PZP: variants seen among roughly 807,000 people sequenced by gnomAD.
PZP encodes PZP alpha-2-macroglobulin like, also known as pregnancy zone protein.
PZP carries 150 observed loss-of-function variants against 179.8 expected under a neutral mutation model. The observed-to-expected ratio is 0.83, with a 90% confidence interval of 0.73 to 0.96. PZP has a LOEUF of 0.96. Among genes scored for constraint, PZP ranks in the 40% least tolerant of loss-of-function variants. The pLI is 0.00. For synonymous variants in PZP, 624 were observed against 652.3 expected, an observed-to-expected ratio of 0.96 and a Z score of 0.66; for missense variants, 1,689 against 1,764.0, an observed-to-expected ratio of 0.96 and a Z score of 0.76.
intron 29 of PZP, 68 bp from the exon 30 acceptor site, chr12:9,153,411 T>A: frequency 1.5e-6 from 2 of 1,358,834 alleles, no homozygotes; most frequent in Non-Finnish European, 2.1e-6. Context: ...TCCCCCAAAG[T>A]CTGTGTTAGC....
intron 15 of PZP, among the ~76,000 whole-genome samples, chr12:9,171,669 C>T (rs186710147): frequency 1.9e-4 from 29 of 152,234 alleles, no homozygotes; most frequent in East Asian, 1.2e-3. Flanking sequence ...AGCTGAAAAC[C>T]GCATCTCAAG....
rs1004130188 is a variant in PZP, at chr12:9,170,265, A to G, written c.1840-674T>C. 16 of 152,184 alleles carry G rather than the reference A, an allele frequency of 1.1e-4. No homozygotes were observed. Among genetic ancestry groups the G allele is most frequent in the African/African-American group, 3.4e-4 (14 of 41,434 alleles). The allele number at this position is 152,184 out of a possible 1,614,324, so 9.4% of individuals were successfully genotyped here. A position where few individuals can be genotyped will look rare whatever the true frequency, so the allele number is the denominator to read the frequency against. On this transcript the variant is annotated intron_variant, in intron 15 of 35. Coordinates refer to ENST00000261336, the MANE Select transcript of PZP (RefSeq NM_002864.3). The surrounding 1 kb of genome is among the most constrained non-coding windows in gnomAD (Gnocchi z 4.6). ...CGCCTGGGAAATCACATTTCTCCCA[A>G]GGATCTCTGCAACCCATGGATCAGG... is the stretch of plus-strand genomic sequence containing the variant.
intron 14 of PZP, 23 bp from the exon 15 acceptor site, chr12:9,181,155 C>T (rs2120962521): frequency 6.2e-7 from 1 of 1,613,846 alleles, no homozygotes; most frequent in South Asian, 1.1e-5. Context: ...AAGGAAACGT[C>T]AACCAGTGTT....
Position 9,192,685 on chromosome 12 carries a change from G to C in PZP, c.1309C>G (p.His437Asp), listed in dbSNP as rs771450997. The C allele has an allele frequency of 2.0e-5, 33 of 1,613,910 alleles. No homozygotes were observed. The highest frequency in any genetic ancestry group is 2.7e-5 in the Non-Finnish European group (32 of 1,179,778). The change falls in exon 12 of 36, where the codon CAC becomes GAC. Residue 437 changes from histidine to aspartate, a missense_variant. By Grantham distance (81) the His-to-Asp change is moderately conservative. This residue lies in a region of PZP where 742 missense variants were observed against 730.5 expected (regional missense o/e 1.02). Coordinates refer to ENST00000261336, the MANE Select transcript of PZP (RefSeq NM_002864.3). ...CFHYSWVAED[H>D]QGAQHTANRV... ...TTTGCAGTGTGCTGAGCACCCTGGT[G>C]GTCTTCTGCTACCCATGAATAGTGA...
intron 15 of PZP, among the ~76,000 whole-genome samples, chr12:9,175,994 A>G (rs1156476192): frequency 6.6e-6 from 1 of 152,218 alleles, no homozygotes; most frequent in Admixed American, 6.5e-5. Flanking sequence ...TTCTGTTATA[A>G]AGATACATGC....
intron 34 of PZP, 99 bp downstream of exon 34, chr12:9,150,545 G>C (rs1453361977): frequency 5.1e-6 from 4 of 790,204 alleles, no homozygotes; most frequent in Non-Finnish European, 8.2e-6. Context: ...AGAAACAAAA[G>C]ATTAATGTTG....
chr12:9,151,450 A>G (rs1023344392), intron 33 of PZP, among the ~76,000 whole-genome samples, 154 bp downstream of exon 33: 2 of 152,222 alleles, frequency 1.3e-5, no homozygotes, highest in Admixed American at 6.5e-5. Flanking sequence ...TGGAGTTCAA[A>G]GGTTTCCCCT....
At chr12:9,173,445 CT>C (rs1942137013) in intron 15 of PZP, among the ~76,000 whole-genome samples, 1 of 151,932 alleles carries the variant, frequency 6.6e-6, no homozygotes, top group Non-Finnish European at 1.5e-5. Flanking sequence ...AACCCCAAAG[CT>C]AGCAGAAGAC....
At chr12:9,164,062 A>G in intron 20 of PZP, 71 bp downstream of exon 20, 1 of 1,494,866 alleles carries the variant, frequency 6.7e-7, no homozygotes, top group Non-Finnish European at 9.1e-7. Context: ...AAGAGAGAAT[A>G]TGATGAAAAA....
chr12:9,158,743 T>C (rs1045429898), intron 25 of PZP, among the ~76,000 whole-genome samples, 167 bp from the exon 26 acceptor site: 2 of 113,432 alleles, frequency 1.8e-5, no homozygotes, highest in African/African-American at 3.4e-5. Flanking sequence ...TCTTTTTCTT[T>C]TTTCTTTTCT....
intron 13 of PZP, among the ~76,000 whole-genome samples, chr12:9,190,486 G>T (rs1943397413): frequency 6.6e-6 from 1 of 152,140 alleles, no homozygotes; most frequent in Admixed American, 6.5e-5. Flanking sequence ...ACACAGTGGG[G>T]CCTATCTGAG....
chr12:9,169,311 G>C (rs10771386), intron 16 of PZP, 119 bp downstream of exon 16: 738,596 of 1,010,768 alleles, frequency 0.73, 271,803 homozygotes, highest in East Asian at 0.87. Flanking sequence ...CTTCATTTTT[G>C]TCTGCTGAAA....
rs947107908 is a variant in PZP at position 9,203,423 on chromosome 12, A to G, written c.267+345T>C. Among the ~76,000 whole-genome samples the G allele has an allele frequency of 2.0e-5, 3 of 147,714 alleles. No individual in the cohort carries two copies. The Admixed American group carries it at 2.1e-4, about 10-fold the overall frequency. ...GTGGGGCGATCTCGGCTCACTGCAA[A>G]CTTCGCCTCCCGGGTTCACGCCATT... On this transcript the variant is annotated intron_variant, in intron 2 of 35. Transcript: ENST00000261336.
At chr12:9,204,043 G>A (rs1051885003) in intron 1 of PZP, 92 bp from the exon 2 acceptor site, 2 of 1,235,408 alleles carry the variant, frequency 1.6e-6, no homozygotes, top group Non-Finnish European at 2.3e-6. Flanking sequence ...TGTATTAATT[G>A]GTGCAATCAG....
Position 9,201,085 on chromosome 12 carries a change from C to A in PZP, c.502-25G>T, listed in dbSNP as rs371819145. On this transcript the variant is annotated intron_variant, in intron 5 of 35. Transcript: ENST00000261336. ...TCTGAAGGGAAACAAGAAACATGGG[C>A]GGTAATCATTTAGTCACAATAGTCC... 3.1e-6 allele frequency: 5 copies of A among 1,612,052 alleles called. No homozygotes were observed. The South Asian group carries it at 5.5e-5, about 18-fold the overall frequency.
chr12:9,170,886 A>G lies in PZP; in HGVS notation c.1840-1295T>C, dbSNP rs990908117. The stretch of plus-strand genomic sequence containing the variant: ...CTCCTGGGGGGCAGGGGTGTCTGCC[A>G]TCTCTGCAGTTTGGTTGACTCTGCC... On this transcript the variant is annotated intron_variant, in intron 15 of 35. Coordinates refer to ENST00000261336, the MANE Select transcript of PZP (RefSeq NM_002864.3). This position sits in a 1 kb window ranked among gnomAD's most constrained non-coding sequence, Gnocchi z 4.6. 5.9e-5 allele frequency among the ~76,000 whole-genome samples: 9 copies of G among 152,278 alleles called. No homozygotes were observed. In the South Asian group the frequency reaches 8.3e-4, roughly 14 times the overall value.
At chr12:9,174,998 T>C (rs746062988) in intron 15 of PZP, among the ~76,000 whole-genome samples, 103 of 152,266 alleles carry the variant, frequency 6.8e-4, no homozygotes, top group Admixed American at 2.3e-3. Context: ...GAGCCTGAAT[T>C]GCCAAGACAA....
At chr12:9,200,751 A>T in intron 6 of PZP, 141 bp downstream of exon 6, 1 of 905,740 alleles carries the variant, frequency 1.1e-6, no homozygotes, top group South Asian at 1.8e-5. Context: ...TTCTGTGTTC[A>T]CACCGTCCTA....
At position 9,208,291 on chromosome 12, in the gene PZP, C is replaced by G. The variant is rs140480992; in HGVS notation, c.51G>C (p.Leu17=). 1.9e-6 allele frequency: 3 copies of G among 1,613,680 alleles called. No homozygotes were observed. The highest frequency in any genetic ancestry group is 2.5e-6 in the Non-Finnish European group (3 of 1,179,682). The change falls in exon 1 of 36, where the codon CTG becomes CTC. Residue 17 remains leucine, a synonymous_variant. Transcript: ENST00000261336. ...LHLCLVLLLI[L]LSASDSNSTE... ...TAGAGTTTGAGTCACTGGCAGAAAG[C>G]AGGATAAGAAGTAGCACAAGACATA...
Sources: allele counts gnomAD v4.1 joint callset (sites outside exome capture counted in the v4.1 genomes callset), GRCh38; gene constraint gnomAD v4.1.1; regional missense constraint gnomAD v4.1.1; non-coding constraint Gnocchi (gnomAD v3.1); transcripts MANE v1.5; gene names NCBI Gene and HGNC (gene_info 2026-07-23, HGNC 2026-07-21).